Variants in GLI3 observed in about 807,000 individuals in gnomAD.
The protein encoded by GLI3 is transcription activator GLI3.
A neutral mutation model predicts 100.8 loss-of-function variants in GLI3; 20 were observed. The observed-to-expected ratio is 0.20, with a 90% CI of 0.14 to 0.29. The LOEUF is 0.29. GLI3 is among the 10% of genes least tolerant of loss of function. The pLI is 1.00. For synonymous variants in GLI3, 938 were observed against 860.5 expected (o/e 1.09, Z -1.58); for missense variants, 2,040 against 2,128.5 (o/e 0.96, Z 0.82).
At position 41,962,406 on chromosome 7, in the gene GLI3, A is replaced by G. The variant is rs1242012615; in HGVS notation, c.*1924T>C. The G allele has an allele frequency of 6.6e-6, 1 of 152,226 alleles. No homozygotes were observed. Among genetic ancestry groups the G allele is most frequent in the Non-Finnish European group, 1.5e-5 (1 of 68,034 alleles). The allele number at this position is 152,226 out of a possible 1,614,324, so 9.4% of individuals were successfully genotyped here. The stretch of plus-strand genomic sequence containing the variant: ...ACACAGAGAAAGTCTTGCTTTTTCA[A>G]CTGAAAAGTGGTAGAGCCTCTACTT... On this transcript the variant is annotated 3_prime_UTR_variant, in exon 15 of 15. Coordinates refer to ENST00000395925, the MANE Select transcript of GLI3 (RefSeq NM_000168.6).
At chr7:42,051,738 C>T (rs1784356673) in intron 4 of GLI3, among the ~76,000 whole-genome samples, 2 of 152,122 alleles carry the variant, frequency 1.3e-5, no homozygotes, top group South Asian at 4.1e-4. Context: ...ACAGAGATTT[C>T]CCATATAACC....
chr7:42,037,425 A>G (rs1583498736), intron 7 of GLI3, among the ~76,000 whole-genome samples: 1 of 152,340 alleles, frequency 6.6e-6, no homozygotes, highest in East Asian at 1.9e-4. Context: ...AACTTACAGC[A>G]GGAGTAAGCA....
At chr7:42,242,750 G>C (rs1788938412), upstream of GLI3, among the ~76,000 whole-genome samples, 1 of 152,132 alleles carries the variant, frequency 6.6e-6, no homozygotes, top group Admixed American at 6.5e-5. Flanking sequence ...TGTCTTTTAA[G>C]TTTCACCCCT....
intron 2 of GLI3, among the ~76,000 whole-genome samples, chr7:42,202,327 C>CTG (rs1554339106): frequency 9.9e-5 from 3 of 30,396 alleles, no homozygotes; most frequent in African/African-American, 1.9e-4. Flanking sequence ...CTGTCTCTCT[C>CTG]TCTCTCTCTC....
chr7:42,137,412 A>C (rs720789), intron 3 of GLI3, among the ~76,000 whole-genome samples: 119,242 of 151,890 alleles, frequency 0.79, 46,875 homozygotes, highest in Admixed American at 0.86. Flanking sequence ...TACTGTCCCA[A>C]CCCCTGGCCA....
chr7:42,093,248 A>G (rs1429304924), intron 3 of GLI3, among the ~76,000 whole-genome samples: 4 of 151,854 alleles, frequency 2.6e-5, no homozygotes, highest in Admixed American at 2.0e-4. Context: ...GTGTGGTGGC[A>G]CATGCCTGTA....
At chr7:42,018,631 T>C (rs545302428) in intron 10 of GLI3, among the ~76,000 whole-genome samples, 1 of 152,348 alleles carries the variant, frequency 6.6e-6, no homozygotes, top group South Asian at 2.1e-4. Context: ...AAGCCCCTCA[T>C]TTTCATGCTG....
chr7:41,983,138 C>T (rs1362893182), intron 10 of GLI3, among the ~76,000 whole-genome samples: 1 of 152,190 alleles, frequency 6.6e-6, no homozygotes. Flanking sequence ...TGGATTTGGC[C>T]TATGGGCCAT....
chr7:42,133,971 C>G (rs1358443843), intron 3 of GLI3, among the ~76,000 whole-genome samples: 1 of 151,292 alleles, frequency 6.6e-6, no homozygotes, highest in Non-Finnish European at 1.5e-5. Flanking sequence ...ATCCCATCTA[C>G]TTGGGAGGCT....
intron 10 of GLI3, among the ~76,000 whole-genome samples, chr7:42,012,986 T>G (rs550689865): frequency 6.6e-6 from 1 of 152,270 alleles, no homozygotes; most frequent in African/African-American, 2.4e-5. Context: ...AGGGAGAGCC[T>G]AAAGAAACAC....
At chr7:41,978,178 G>C (rs1022098047) in intron 11 of GLI3, among the ~76,000 whole-genome samples, 1 of 152,170 alleles carries the variant, frequency 6.6e-6, no homozygotes, top group Admixed American at 6.5e-5. Flanking sequence ...ACAACCTTGC[G>C]GCACCCCCTT....
At chr7:42,058,257 A>C (rs1194749091) in intron 4 of GLI3, among the ~76,000 whole-genome samples, 3 of 152,252 alleles carry the variant, frequency 2.0e-5, no homozygotes, top group Admixed American at 6.5e-5. Context: ...AGGTGGGTGG[A>C]GAGTATGGAA....
chr7:42,259,712 C>T (rs888022129), intron 1 of GLI3, among the ~76,000 whole-genome samples: 1 of 152,110 alleles, frequency 6.6e-6, no homozygotes. Flanking sequence ...ACGCAGATGA[C>T]CTTGCATTTT....
At chr7:42,018,620 A>G (rs1312086918) in intron 10 of GLI3, among the ~76,000 whole-genome samples, 1 of 152,246 alleles carries the variant, frequency 6.6e-6, no homozygotes, top group African/African-American at 2.4e-5. Context: ...TATTAAAAAG[A>G]AAGCCCCTCA....
At chr7:41,993,557 C>T (rs1256938542) in intron 10 of GLI3, among the ~76,000 whole-genome samples, 1 of 152,140 alleles carries the variant, frequency 6.6e-6, no homozygotes, top group African/African-American at 2.4e-5. Flanking sequence ...TTGTCTGCTC[C>T]GCCCACCAGA....
chr7:42,260,030 A>G (rs62443843), intron 1 of GLI3, among the ~76,000 whole-genome samples: 3,995 of 152,316 alleles, frequency 0.026, 68 homozygotes, highest in South Asian at 0.041. Context: ...ATTTACCATG[A>G]GAAAATGCTG....
intron 2 of GLI3, among the ~76,000 whole-genome samples, chr7:42,194,838 C>T (rs138247377): frequency 0.022 from 3,115 of 142,854 alleles, 41 homozygotes; most frequent in Non-Finnish European, 0.032. Context: ...ATGATCTCGG[C>T]TCACTGCAAC....
At chr7:42,013,048 T>C (rs1788663657) in intron 10 of GLI3, among the ~76,000 whole-genome samples, 1 of 152,192 alleles carries the variant, frequency 6.6e-6, no homozygotes, top group South Asian at 2.1e-4. Flanking sequence ...GCCGGTTATG[T>C]TAGAGACATG....
At position 42,148,364 on chromosome 7, in the gene GLI3, T is replaced by C. The variant is rs1786774141; in HGVS notation, c.229A>G (p.Thr77Ala). The change falls in exon 3 of 15, where the codon ACA becomes GCA. Residue 77 changes from threonine to alanine, a missense_variant. Thr to Ala is a moderately conservative substitution (Grantham distance 58). Transcript: ENST00000395925. ...AATGAGGCCCTCTCGTCACTCGATG[T>C]TGAAGGTTCCTCACTGACTTTGCTG... ...GLSKVSEEPS[T>A]SSDERASLIK... 6.2e-7 allele frequency: 1 copy of C among 1,614,154 alleles called. No homozygotes were observed. Among genetic ancestry groups the C allele is most frequent in the Non-Finnish European group, 8.5e-7 (1 of 1,180,030 alleles).
Sources: gnomAD v4.1 joint callset for allele counts (sites outside exome capture counted in the v4.1 genomes callset) on GRCh38, gnomAD v4.1.1 for gene constraint, MANE v1.5 for transcripts, NCBI Gene and HGNC (gene_info 2026-07-23, HGNC 2026-07-21) for gene names.